The following CTBP2 variants were observed in gnomAD, a reference collection of about 807,000 sequenced individuals.
CTBP2 encodes the protein C-terminal binding protein 2, also known as C-terminal-binding protein 2.
In CTBP2, 30 loss-of-function variants were observed where a neutral mutation model predicts 80.3. The observed-to-expected ratio is 0.37, with a 90% CI of 0.28 to 0.51. The LOEUF (loss-of-function observed/expected upper bound fraction) is 0.51, where lower values mean the gene tolerates loss of function less well. Among genes scored for constraint, CTBP2 ranks in the 20% least tolerant of loss-of-function variants. CTBP2 has a pLI of 0.93. For synonymous variants in CTBP2, 594 were observed against 587.4 expected (o/e 1.01, Z -0.16); for missense variants, 1,212 against 1,375.3 (o/e 0.88, Z 1.88).
intron 1 of CTBP2, among the ~76,000 whole-genome samples, chr10:125,148,620 C>T (rs1342898077): frequency 1.3e-4 from 20 of 152,174 alleles, no homozygotes; most frequent in Non-Finnish European, 1.8e-4. Flanking sequence ...TGAGTCATAA[C>T]CCCCCTCCCT....
intron 3 of CTBP2, among the ~76,000 whole-genome samples, chr10:125,002,338 G>A (rs1589986363): frequency 6.6e-6 from 1 of 152,194 alleles, no homozygotes; most frequent in African/African-American, 2.4e-5. Context: ...CCCTCAACAT[G>A]CACCCCCAGC....
chr10:125,055,167 G>C (rs1963625115), intron 2 of CTBP2, among the ~76,000 whole-genome samples: 1 of 152,196 alleles, frequency 6.6e-6, no homozygotes, highest in Non-Finnish European at 1.5e-5. Context: ...TTTCTTAAAA[G>C]TGGTCCTTGA....
At chr10:125,135,573 G>C (rs1313926974) in intron 1 of CTBP2, among the ~76,000 whole-genome samples, 5 of 152,174 alleles carry the variant, frequency 3.3e-5, no homozygotes, top group African/African-American at 9.7e-5. Flanking sequence ...CATGGACCAA[G>C]GCAGGAAGAT....
chr10:125,161,229 G>C (rs1317543461), upstream of CTBP2: 1 of 152,136 alleles, frequency 6.6e-6, no homozygotes, highest in Non-Finnish European at 1.5e-5. Context: ...GGGAGGGCCA[G>C]GGGCCGGGCG....
intron 2 of CTBP2, among the ~76,000 whole-genome samples, chr10:125,052,663 G>C (rs542254132): frequency 6.6e-6 from 1 of 152,202 alleles, no homozygotes; most frequent in Admixed American, 6.5e-5. Flanking sequence ...AGCAGCAAAC[G>C]GATGGTGATT....
chr10:125,021,104 G>A (rs1489328207), intron 1 of CTBP2, among the ~76,000 whole-genome samples: 1 of 152,186 alleles, frequency 6.6e-6, no homozygotes, highest in Non-Finnish European at 1.5e-5. Context: ...AGGCGGCAGA[G>A]CTGGGGGACA....
chr10:125,047,262 T>C (rs1451990687), intron 2 of CTBP2, among the ~76,000 whole-genome samples: 1 of 152,236 alleles, frequency 6.6e-6, no homozygotes, highest in Non-Finnish European at 1.5e-5. Context: ...CAGATCAATT[T>C]TTCCTTTTCT....
chr10:124,993,778 C>T, intron 6 of CTBP2, 77 bp downstream of exon 8: 3 of 1,521,532 alleles, frequency 2.0e-6, no homozygotes, highest in Non-Finnish European at 2.6e-6. Flanking sequence ...GGAAAAGGGC[C>T]TCGAGTTCAA....
chr10:125,114,706 CAGG>C (rs931319157), intron 1 of CTBP2, among the ~76,000 whole-genome samples: 2 of 152,102 alleles, frequency 1.3e-5, no homozygotes, highest in Admixed American at 1.3e-4. Flanking sequence ...TGGCTCCTTC[CAGG>C]AGGACTGGGC....
intron 1 of CTBP2, among the ~76,000 whole-genome samples, chr10:125,139,370 G>A (rs1288388074): frequency 4.9e-5 from 3 of 61,062 alleles, no homozygotes; most frequent in Admixed American, 2.5e-4. Context: ...GAGCTAGACT[G>A]TCTCAAAAAA....
intron 2 of CTBP2, chr10:125,100,833 T>TCA (rs1850506609): frequency 1.3e-5 from 2 of 152,226 alleles, no homozygotes; most frequent in African/African-American, 4.8e-5. Context: ...ACAAAGGTAT[T>TCA]GCATTCAGGA....
At chr10:125,009,016 T>C (rs1184005886) in intron 1 of CTBP2, among the ~76,000 whole-genome samples, 1 of 152,188 alleles carries the variant, frequency 6.6e-6, no homozygotes, top group African/African-American at 2.4e-5. Flanking sequence ...TCTAAGTTGC[T>C]AGCCAATCGG....
exon 3 of CTBP2, chr10:125,039,126 G>C (rs1227122948): frequency 9.0e-6 from 12 of 1,328,896 alleles, no homozygotes; most frequent in Non-Finnish European, 1.2e-5. Flanking sequence ...GAACTTGCAG[G>C]AGTCTGCGTG....
intron 1 of CTBP2, among the ~76,000 whole-genome samples, chr10:125,128,902 T>C (rs1015347091): frequency 6.6e-6 from 1 of 152,160 alleles, no homozygotes; most frequent in Non-Finnish European, 1.5e-5. Context: ...AGCCCAAGTG[T>C]CCATTAATGG....
In CTBP2 at chr10:125,026,127, T is replaced by G. The variant is rs1957514017; in HGVS notation, c.1633A>C (p.Thr545Pro). 2 of 1,593,352 alleles carry G rather than the reference T, an allele frequency of 1.3e-6. No individual in the cohort carries two copies. Among genetic ancestry groups the G allele is most frequent in the African/African-American group, 1.3e-5 (1 of 74,694 alleles). Reference sequence around the variant, plus strand: ...GTGGACACGATGATGGGTGCCCCTGTGCGCCGGGCCACCTTCTGGTACGGT... The same window carrying G: ...GTGGACACGATGATGGGTGCCCCTGGGCGCCGGGCCACCTTCTGGTACGGT... The change falls in exon 1 of 9, where the codon ACA becomes CCA. Residue 545 changes from threonine (T) to proline (P), a missense_variant. By Grantham distance (38) the Thr-to-Pro change is conservative (BLOSUM62 -1). This residue lies in a region of CTBP2 where 848 missense variants were observed against 782.3 expected (regional missense o/e 1.08). Coordinates refer to ENST00000309035, the MANE Select transcript of CTBP2 (RefSeq NM_022802.3).
At chr10:125,130,294 C>T (rs966756275) in intron 1 of CTBP2, among the ~76,000 whole-genome samples, 2 of 152,110 alleles carry the variant, frequency 1.3e-5, no homozygotes, top group African/African-American at 4.8e-5. Context: ...GTGATCCACG[C>T]ACCTCTGCCA....
intron 2 of CTBP2, among the ~76,000 whole-genome samples, chr10:125,085,149 A>G (rs1186739648): frequency 6.6e-6 from 1 of 152,214 alleles, no homozygotes; most frequent in Non-Finnish European, 1.5e-5. Flanking sequence ...CCAATACATC[A>G]GCAGGAGAAA....
At chr10:125,048,861 A>C (rs1018878995) in intron 2 of CTBP2, among the ~76,000 whole-genome samples, 1 of 152,178 alleles carries the variant, frequency 6.6e-6, no homozygotes, top group Admixed American at 6.5e-5. Context: ...CAACAGGCTC[A>C]ATTTGACTCA....
intron 2 of CTBP2, among the ~76,000 whole-genome samples, chr10:125,053,832 C>T (rs1035819001): frequency 6.6e-6 from 1 of 152,226 alleles, no homozygotes; most frequent in African/African-American, 2.4e-5. Context: ...GGGCAGGGCA[C>T]TGGCCACAGA....
Sources: allele counts gnomAD v4.1 joint callset (sites outside exome capture counted in the v4.1 genomes callset), GRCh38; gene constraint gnomAD v4.1.1; regional missense constraint gnomAD v4.1.1; transcripts MANE v1.5; gene names NCBI Gene and HGNC (gene_info 2026-07-23, HGNC 2026-07-21).